UBE2E3: variants seen among roughly 807,000 people sequenced by gnomAD.
UBE2E3 encodes ubiquitin conjugating enzyme E2 E3, also known as ubiquitin-conjugating enzyme E2 E3.
Under a neutral mutation model 23.6 loss-of-function variants are expected in UBE2E3, and 5 were observed. The observed-to-expected ratio is 0.21, with a 90% CI of 0.11 to 0.44. UBE2E3 has a LOEUF of 0.44. UBE2E3 is among the 20% of genes least tolerant of loss of function. The pLI is 0.99. For synonymous variants in UBE2E3, 78 were observed against 87.5 expected (o/e 0.89, Z 0.60); for missense variants, 81 against 249.8 (o/e 0.32, Z 4.55).
At chr2:181,054,555 G>T (rs1686934780) in intron 3 of UBE2E3, among the ~76,000 whole-genome samples, 1 of 151,726 alleles carries the variant, frequency 6.6e-6, no homozygotes, top group African/African-American at 2.4e-5. Context: ...ATCTGTTCAG[G>T]TATTTCACCC....
At chr2:181,057,586 CTTA>C in intron 3 of UBE2E3, 104 bp from the exon 4 acceptor site, 1 of 878,440 alleles carries the variant, frequency 1.1e-6, no homozygotes. Context: ...TATTTTACTT[CTTA>C]TTGCTCTAGA....
intron 3 of UBE2E3, among the ~76,000 whole-genome samples, chr2:181,013,296 A>G (rs1685389219): frequency 1.3e-5 from 2 of 152,158 alleles, no homozygotes; most frequent in South Asian, 4.1e-4. Context: ...CTGTAAGACA[A>G]GAGTTTGGGA....
chr2:181,018,929 G>A (rs1025692989), intron 3 of UBE2E3, among the ~76,000 whole-genome samples: 2 of 152,064 alleles, frequency 1.3e-5, no homozygotes, highest in African/African-American at 4.8e-5. Context: ...AAGTAAGGAA[G>A]TTGGAAATAC....
intron 3 of UBE2E3, among the ~76,000 whole-genome samples, chr2:181,022,768 A>G (rs1685750724): frequency 6.6e-6 from 1 of 152,124 alleles, no homozygotes. Flanking sequence ...GTTTACAGAA[A>G]GAGAGCTGAA....
chr2:181,033,427 G>A (rs1267626740), intron 3 of UBE2E3, among the ~76,000 whole-genome samples: 1 of 152,100 alleles, frequency 6.6e-6, no homozygotes, highest in Non-Finnish European at 1.5e-5. Context: ...CAAGAAATGG[G>A]GAAAGGATTT....
At chr2:180,981,906 CTT>C (rs2105559584) in intron 1 of UBE2E3, 110 bp from the exon 2 acceptor site, 1 of 780,380 alleles carries the variant, frequency 1.3e-6, no homozygotes, top group Non-Finnish European at 2.0e-6. Context: ...AGTGTGAACA[CTT>C]TTGAAGCTTT....
At chr2:180,995,491 G>A (rs1366856418) in intron 3 of UBE2E3, among the ~76,000 whole-genome samples, 2 of 152,130 alleles carry the variant, frequency 1.3e-5, no homozygotes, top group African/African-American at 4.8e-5. Context: ...TTCAGGTCAA[G>A]AATAGGCTAT....
At chr2:181,023,476 G>A (rs757860775) in intron 3 of UBE2E3, among the ~76,000 whole-genome samples, 2 of 152,072 alleles carry the variant, frequency 1.3e-5, no homozygotes, top group Non-Finnish European at 2.9e-5. Flanking sequence ...CCTTTCATTT[G>A]ATAATAAGGA....
intron 3 of UBE2E3, among the ~76,000 whole-genome samples, chr2:181,033,658 A>G (rs1686163002): frequency 2.6e-5 from 4 of 152,358 alleles, no homozygotes. Context: ...AGCAATGGCA[A>G]CAAAAGCCAA....
chr2:181,034,072 G>A (rs578180398), intron 3 of UBE2E3, among the ~76,000 whole-genome samples: 2 of 152,332 alleles, frequency 1.3e-5, no homozygotes, highest in Admixed American at 6.5e-5. Flanking sequence ...CTTTTACACT[G>A]TTGGTGGGAC....
chr2:181,048,220 T>C (rs1419207381), intron 3 of UBE2E3, among the ~76,000 whole-genome samples: 4 of 152,182 alleles, frequency 2.6e-5, no homozygotes, highest in Non-Finnish European at 5.9e-5. Context: ...TTCTGTTTTA[T>C]GTTTTTTTGT....
intron 3 of UBE2E3, among the ~76,000 whole-genome samples, chr2:181,013,490 G>A (rs1487573453): frequency 2.1e-5 from 2 of 94,568 alleles, no homozygotes; most frequent in East Asian, 4.8e-4. Flanking sequence ...TTGGCAAATG[G>A]CCCTAGTTTC....
chr2:181,004,081 G>A (rs748882059), intron 3 of UBE2E3, among the ~76,000 whole-genome samples: 7 of 151,988 alleles, frequency 4.6e-5, no homozygotes, highest in Non-Finnish European at 8.8e-5. Flanking sequence ...AGAGGCTGGG[G>A]TGGAGAGTTA....
At chr2:181,004,261 G>A (rs1033236967) in intron 3 of UBE2E3, among the ~76,000 whole-genome samples, 2 of 152,144 alleles carry the variant, frequency 1.3e-5, no homozygotes, top group African/African-American at 4.8e-5. Context: ...AGTAGTTCTA[G>A]TTGTAAAACT....
At chr2:181,050,273 T>C (rs1027828473) in intron 3 of UBE2E3, among the ~76,000 whole-genome samples, 3 of 151,956 alleles carry the variant, frequency 2.0e-5, no homozygotes, top group Non-Finnish European at 4.4e-5. Flanking sequence ...GTTTTGAAGG[T>C]GATACCTTGT....
intron 4 of UBE2E3, among the ~76,000 whole-genome samples, chr2:181,059,904 T>A (rs573436161): frequency 6.8e-4 from 100 of 147,992 alleles, no homozygotes; most frequent in African/African-American, 2.0e-3. Context: ...TGATCAGAAA[T>A]TTTTTTTTTT....
At chr2:181,028,147 C>T (rs956757099) in intron 3 of UBE2E3, among the ~76,000 whole-genome samples, 2 of 152,024 alleles carry the variant, frequency 1.3e-5, no homozygotes, top group Non-Finnish European at 2.9e-5. Context: ...CTATACATTA[C>T]ATAATGTAAT....
At chr2:180,987,715 GA>G (rs1684525063) in intron 3 of UBE2E3, among the ~76,000 whole-genome samples, 1 of 152,090 alleles carries the variant, frequency 6.6e-6, no homozygotes, top group Non-Finnish European at 1.5e-5. Context: ...ATAATCTCTA[GA>G]TTCCTCATTA....
intron 3 of UBE2E3, among the ~76,000 whole-genome samples, chr2:180,998,095 G>C (rs1684882104): frequency 6.6e-6 from 1 of 152,092 alleles, no homozygotes; most frequent in Admixed American, 6.5e-5. Flanking sequence ...AAACTTGCCA[G>C]ACTCAAAGTG....
Sources: allele counts gnomAD v4.1 joint callset (sites outside exome capture counted in the v4.1 genomes callset), GRCh38; gene constraint gnomAD v4.1.1; transcripts MANE v1.5; gene names NCBI Gene and HGNC (gene_info 2026-07-23, HGNC 2026-07-21).